The following ADAMTS18 variants were observed in gnomAD, a reference collection of about 807,000 sequenced individuals.
ADAMTS18 encodes A disintegrin and metalloproteinase with thrombospondin motifs 18.
Under a neutral mutation model 165.9 loss-of-function variants are expected in ADAMTS18, and 157 were observed. The observed-to-expected ratio is 0.95, with a 90% CI of 0.83 to 1.08. The LOEUF (loss-of-function observed/expected upper bound fraction) is 1.08, where lower values mean the gene tolerates loss of function less well. Ranked by LOEUF, ADAMTS18 falls within the 50% of genes least tolerant of loss-of-function variation. ADAMTS18 has a pLI of 0.00. For missense variants in ADAMTS18, 2,040 were observed against 1,534.0 expected, an observed-to-expected ratio of 1.33 and a Z score of -5.51; for synonymous variants, 782 against 578.2, an observed-to-expected ratio of 1.35 and a Z score of -5.06.
At chr16:77,360,099 A>T (rs2056690364) in intron 7 of ADAMTS18, among the ~76,000 whole-genome samples, 1 of 152,182 alleles carries the variant, frequency 6.6e-6, no homozygotes, top group Non-Finnish European at 1.5e-5. Flanking sequence ...AATCAGTAGA[A>T]CAAATCTATG....
At chr16:77,423,660 C>T (rs914081197) in intron 3 of ADAMTS18, among the ~76,000 whole-genome samples, 5 of 152,150 alleles carry the variant, frequency 3.3e-5, no homozygotes, top group Admixed American at 6.5e-5. Context: ...AAAGACATTA[C>T]ACTATGCTGC....
At chr16:77,409,582 T>C (rs1482994599) in intron 3 of ADAMTS18, among the ~76,000 whole-genome samples, 2 of 152,158 alleles carry the variant, frequency 1.3e-5, no homozygotes, top group African/African-American at 4.8e-5. Context: ...TCAAAAACCA[T>C]GTGCTCTGTT....
Position 77,434,512 on chromosome 16 carries a change from G to C in ADAMTS18, c.91-7C>G. On this transcript the variant is annotated splice_region_variant and splice_polypyrimidine_tract_variant and intron_variant, in intron 1 of 22. Transcript: ENST00000282849. ...GGCAGCACAGCTGGAGCGCCTGCAA[G>C]AGAAAAGGTGACATCGCGCGTGAGG... 6.4e-7 allele frequency: 1 copy of C among 1,552,838 alleles called. No individual in the cohort carries two copies. Among genetic ancestry groups the C allele is most frequent in the Non-Finnish European group, 8.7e-7 (1 of 1,152,770 alleles).
At chr16:77,391,542 T>A (rs1358437326) in intron 3 of ADAMTS18, among the ~76,000 whole-genome samples, 1 of 150,854 alleles carries the variant, frequency 6.6e-6, no homozygotes, top group South Asian at 2.1e-4. Context: ...AACCTGTCAA[T>A]GTCAAATAAC....
chr16:77,368,013 A>G (rs2056823953), intron 3 of ADAMTS18, among the ~76,000 whole-genome samples: 1 of 152,126 alleles, frequency 6.6e-6, no homozygotes, highest in South Asian at 2.1e-4. Flanking sequence ...AGTAGCTGAG[A>G]CTACAGGCAC....
chr16:77,432,742 A>G (rs2057753514), intron 2 of ADAMTS18, among the ~76,000 whole-genome samples: 1 of 151,178 alleles, frequency 6.6e-6, no homozygotes, highest in South Asian at 2.1e-4. Context: ...TTTTCCCTAA[A>G]CAGTCAACAA....
chr16:77,342,824 T>A (rs1045123776), intron 10 of ADAMTS18, among the ~76,000 whole-genome samples: 1 of 152,188 alleles, frequency 6.6e-6, no homozygotes, highest in Non-Finnish European at 1.5e-5. Flanking sequence ...AGGCAGAGAC[T>A]GTCCTAAATT....
chr16:77,363,669 T>A, intron 6 of ADAMTS18, 133 bp downstream of exon 6: 1 of 721,988 alleles, frequency 1.4e-6, no homozygotes, highest in Non-Finnish European at 2.4e-6. Flanking sequence ...AATTGTACTT[T>A]GAGGAGAGTC....
rs560985614 is a variant in ADAMTS18 at position 77,312,458 on chromosome 16, G to C, written c.2532+7391C>G. Among the ~76,000 whole-genome samples the C allele has an allele frequency of 9.0e-4, 137 of 152,144 alleles. 2 individuals are homozygous for C. The South Asian group carries it at 0.017, about 19-fold the overall frequency. Reference sequence around the variant, plus strand: ...TCACCATGTTGGCTGGGCTGGTCTCGAACTCCTGACCTCAGGTGATCTACC... The same window carrying C: ...TCACCATGTTGGCTGGGCTGGTCTCCAACTCCTGACCTCAGGTGATCTACC... On this transcript the variant is annotated intron_variant, in intron 16 of 22. Transcript: ENST00000282849.
At chr16:77,339,598 T>TAA (rs10634951) in intron 11 of ADAMTS18, among the ~76,000 whole-genome samples, 51,476 of 146,730 alleles carry the variant, frequency 0.35, 9,386 homozygotes, top group East Asian at 0.56. Flanking sequence ...CTTTTTCAAT[T>TAA]AAAAAAAAAA....
intron 16 of ADAMTS18, among the ~76,000 whole-genome samples, chr16:77,314,229 C>T (rs1293222752): frequency 6.6e-6 from 1 of 152,126 alleles, no homozygotes; most frequent in African/African-American, 2.4e-5. Flanking sequence ...TCAAGTATCT[C>T]CTGGGACTAG....
chr16:77,305,791 A>C (rs148023834), intron 16 of ADAMTS18, among the ~76,000 whole-genome samples: 1 of 152,176 alleles, frequency 6.6e-6, no homozygotes, highest in Non-Finnish European at 1.5e-5. Context: ...TGATGTGGGG[A>C]AACAGGACAA....
chr16:77,431,973 A>G (rs2057745832), intron 2 of ADAMTS18, among the ~76,000 whole-genome samples: 1 of 152,194 alleles, frequency 6.6e-6, no homozygotes, highest in African/African-American at 2.4e-5. Context: ...TATATATAAA[A>G]TTTAATTTTT....
At chr16:77,401,544 G>A (rs746642833) in intron 3 of ADAMTS18, among the ~76,000 whole-genome samples, 3 of 152,208 alleles carry the variant, frequency 2.0e-5, no homozygotes, top group Non-Finnish European at 2.9e-5. Context: ...CTCAGTCACT[G>A]TAGTATGCTC....
intron 8 of ADAMTS18, among the ~76,000 whole-genome samples, chr16:77,358,167 A>C (rs1029024974): frequency 5.3e-5 from 8 of 152,132 alleles, no homozygotes; most frequent in African/African-American, 1.7e-4. Context: ...GAAAGTGTGC[A>C]TGTGTGTCTA....
intron 3 of ADAMTS18, among the ~76,000 whole-genome samples, chr16:77,368,437 C>CTTTTTTTTTT (rs892324445): frequency 2.3e-5 from 3 of 132,976 alleles, no homozygotes; most frequent in Non-Finnish European, 4.9e-5. Flanking sequence ...TTCTTTTTTT[C>CTTTTTTTTTT]TTTTTTTTTT....
chr16:77,307,547 C>T (rs1313179215), intron 16 of ADAMTS18, among the ~76,000 whole-genome samples: 1 of 152,208 alleles, frequency 6.6e-6, no homozygotes, highest in African/African-American at 2.4e-5. Context: ...ATAGTGTTCT[C>T]TAACCCGTCA....
chr16:77,286,703 T>C (rs79767552), intron 22 of ADAMTS18, among the ~76,000 whole-genome samples: 2,105 of 152,162 alleles, frequency 0.014, 51 homozygotes, highest in African/African-American at 0.049. Flanking sequence ...TGGGATTCCA[T>C]GAGGAGCAGC....
At chr16:77,322,290 A>C in intron 14 of ADAMTS18, 46 bp downstream of exon 14, 3 of 1,611,392 alleles carry the variant, frequency 1.9e-6, no homozygotes, top group Non-Finnish European at 1.7e-6. Flanking sequence ...CGATATGATA[A>C]AACACAAGCA....
Sources: gnomAD v4.1 joint callset for allele counts (sites outside exome capture counted in the v4.1 genomes callset) on GRCh38, gnomAD v4.1.1 for gene constraint, MANE v1.5 for transcripts, NCBI Gene and HGNC (gene_info 2026-07-23, HGNC 2026-07-21) for gene names.